Variants in MAGI2 observed in about 807,000 individuals in gnomAD.
MAGI2 encodes membrane associated guanylate kinase, WW and PDZ domain containing 2.
Under a neutral mutation model 133.3 loss-of-function variants are expected in MAGI2, and 35 were observed. That is an observed-to-expected ratio of 0.26 (90% CI 0.20 to 0.35). The LOEUF is 0.35. Among genes scored for constraint, MAGI2 ranks in the 10% least tolerant of loss-of-function variants. The probability of loss-of-function intolerance (pLI) is 1.00; values close to 1 mark genes in which losing one functional copy is unlikely to be tolerated. For missense variants in MAGI2, 1,636 were observed against 1,863.4 expected (o/e 0.88, Z 2.25); for synonymous variants, 729 against 710.6 (o/e 1.03, Z -0.41).
At chr7:78,857,593 G>C (rs1057458376) in intron 2 of MAGI2, among the ~76,000 whole-genome samples, 1 of 152,200 alleles carries the variant, frequency 6.6e-6, no homozygotes, top group African/African-American at 2.4e-5. Context: ...TTGCATCCCA[G>C]GGATGAAGCC....
At position 78,849,014 on chromosome 7, in the gene MAGI2, A is replaced by C. The variant is rs530906505; in HGVS notation, c.418+158076T>G. 9.9e-5 allele frequency among the ~76,000 whole-genome samples: 15 copies of C among 152,242 alleles called. No individual in the cohort carries two copies. In the East Asian group the frequency reaches 2.7e-3, roughly 27 times the overall value. On this transcript the variant is annotated intron_variant, in intron 2 of 21. Transcript: ENST00000354212. The stretch of plus-strand genomic sequence containing the variant: ...GAATCAATGAATGAACTAACCAATT[A>C]ATCATCAAACAAATGGTTATAAAAC...
At chr7:79,405,188 G>A (rs1845723738) in intron 1 of MAGI2, among the ~76,000 whole-genome samples, 1 of 152,106 alleles carries the variant, frequency 6.6e-6, no homozygotes, top group Non-Finnish European at 1.5e-5. Context: ...TTTGCAGCTT[G>A]TTAGTTTGAT....
chr7:79,099,540 T>C (rs1025917225), intron 1 of MAGI2, among the ~76,000 whole-genome samples: 7 of 152,212 alleles, frequency 4.6e-5, no homozygotes, highest in Admixed American at 4.6e-4. Flanking sequence ...AAATTGCTTG[T>C]CATAAGGGAT....
intron 5 of MAGI2, among the ~76,000 whole-genome samples, chr7:78,497,985 T>C (rs1000478956): frequency 6.6e-6 from 1 of 152,200 alleles, no homozygotes; most frequent in Non-Finnish European, 1.5e-5. Flanking sequence ...CAAATCTCTC[T>C]CATTTTTCTT....
intron 1 of MAGI2, among the ~76,000 whole-genome samples, chr7:79,130,750 G>C (rs535984944): frequency 2.0e-5 from 3 of 152,296 alleles, no homozygotes; most frequent in Non-Finnish European, 4.4e-5. Flanking sequence ...CATGTGCCAT[G>C]TGCTAGAGAC....
intron 3 of MAGI2, among the ~76,000 whole-genome samples, chr7:78,551,300 T>A (rs1215641219): frequency 6.6e-6 from 1 of 152,230 alleles, no homozygotes; most frequent in Non-Finnish European, 1.5e-5. Context: ...ACTCTCAAAT[T>A]TTTTCTGGGC....
At chr7:78,290,380 G>T (rs370177729) in intron 9 of MAGI2, among the ~76,000 whole-genome samples, 1 of 152,132 alleles carries the variant, frequency 6.6e-6, no homozygotes, top group Non-Finnish European at 1.5e-5. Flanking sequence ...AGGGATCAAT[G>T]CAACAAGAAG....
chr7:78,803,418 T>C (rs1157227301), intron 2 of MAGI2, among the ~76,000 whole-genome samples: 1 of 152,190 alleles, frequency 6.6e-6, no homozygotes, highest in Non-Finnish European at 1.5e-5. Context: ...AGTTTTTCAT[T>C]CACAGTTAAA....
chr7:78,868,724 T>C (rs1359221778), intron 2 of MAGI2, among the ~76,000 whole-genome samples: 1 of 150,824 alleles, frequency 6.6e-6, no homozygotes, highest in East Asian at 2.0e-4. Context: ...CACATTTTCC[T>C]GAACATTAAA....
chr7:78,725,251 G>A (rs191932120), intron 2 of MAGI2, among the ~76,000 whole-genome samples: 98 of 152,212 alleles, frequency 6.4e-4, no homozygotes, highest in African/African-American at 2.3e-3. Flanking sequence ...TGAATCCAAA[G>A]GTGAACTAAT....
chr7:78,529,773 T>TC (rs1413847906), intron 3 of MAGI2, among the ~76,000 whole-genome samples: 8 of 143,478 alleles, frequency 5.6e-5, no homozygotes, highest in African/African-American at 2.6e-5. Flanking sequence ...TACCTTGGTC[T>TC]CCCAAAGCAC....
chr7:78,672,456 T>C (rs778921413), intron 2 of MAGI2, among the ~76,000 whole-genome samples: 3 of 152,276 alleles, frequency 2.0e-5, no homozygotes, highest in Middle Eastern at 3.4e-3. Context: ...CAGGTATTCT[T>C]TATAGCAATA....
intron 14 of MAGI2, among the ~76,000 whole-genome samples, chr7:78,168,861 C>G (rs1437043835): frequency 6.6e-6 from 1 of 152,164 alleles, no homozygotes; most frequent in African/African-American, 2.4e-5. Flanking sequence ...CAAAACAAAA[C>G]AAAGCAAACT....
intron 9 of MAGI2, among the ~76,000 whole-genome samples, chr7:78,282,962 A>G (rs1481120504): frequency 2.0e-5 from 3 of 152,156 alleles, no homozygotes; most frequent in African/African-American, 4.8e-5. Flanking sequence ...TGGAAATAAT[A>G]TAGAAGTTTA....
intron 2 of MAGI2, among the ~76,000 whole-genome samples, chr7:78,984,422 C>T (rs1349909519): frequency 6.6e-6 from 1 of 151,864 alleles, no homozygotes; most frequent in Non-Finnish European, 1.5e-5. Context: ...TTGCCTCCCT[C>T]CCTCACCCTT....
At chr7:78,385,480 A>G (rs987955058) in intron 6 of MAGI2, among the ~76,000 whole-genome samples, 2 of 152,174 alleles carry the variant, frequency 1.3e-5, no homozygotes, top group Non-Finnish European at 2.9e-5. Context: ...TTTAGTGTGT[A>G]ACTGTAACAA....
intron 1 of MAGI2, among the ~76,000 whole-genome samples, chr7:79,250,368 A>G (rs969406794): frequency 1.3e-5 from 2 of 151,580 alleles, no homozygotes; most frequent in African/African-American, 4.8e-5. Flanking sequence ...AAAAAAGAAA[A>G]CAAACAGAAC....
intron 19 of MAGI2, among the ~76,000 whole-genome samples, chr7:78,126,787 C>T (rs1179426295): frequency 1.3e-5 from 2 of 152,198 alleles, no homozygotes; most frequent in Middle Eastern, 6.8e-3. Flanking sequence ...TAGGGGGCCA[C>T]GTAAAAAAAT....
chr7:78,258,252 C>A (rs1234453672), intron 9 of MAGI2, among the ~76,000 whole-genome samples: 1 of 152,160 alleles, frequency 6.6e-6, no homozygotes, highest in Non-Finnish European at 1.5e-5. Context: ...TATTATAATT[C>A]CTCTTCAGAC....
Sources: gnomAD v4.1 joint callset for allele counts (sites outside exome capture counted in the v4.1 genomes callset) on GRCh38, gnomAD v4.1.1 for gene constraint, MANE v1.5 for transcripts, NCBI Gene and HGNC (gene_info 2026-07-23, HGNC 2026-07-21) for gene names.